PDE3A: variants seen among roughly 807,000 people sequenced by gnomAD.
PDE3A encodes the protein cGMP-inhibited 3',5'-cyclic phosphodiesterase 3A.
Under a neutral mutation model 98.3 loss-of-function variants are expected in PDE3A, and 43 were observed. The observed-to-expected ratio is 0.44, with a 90% CI of 0.34 to 0.56. PDE3A has a LOEUF of 0.56. PDE3A is among the 20% of genes least tolerant of loss of function. The pLI is 0.01. For synonymous variants in PDE3A, 663 were observed against 567.9 expected, an observed-to-expected ratio of 1.17 and a Z score of -2.38; for missense variants, 1,427 against 1,440.7, an observed-to-expected ratio of 0.99 and a Z score of 0.15.
At chr12:20,653,915 G>C (rs775544170) in intron 14 of PDE3A, 32 bp from the exon 15 acceptor site, 18 of 1,603,642 alleles carry the variant, frequency 1.1e-5, no homozygotes, top group Non-Finnish European at 1.5e-5. Flanking sequence ...GATGCCAGGT[G>C]AATGTTGACT....
chr12:20,671,979 G>A lies in PDE3A; in HGVS notation c.3185-8051G>A, dbSNP rs1245035420. On this transcript the variant is annotated intron_variant, in intron 15 of 15. Coordinates refer to ENST00000359062, the MANE Select transcript of PDE3A (RefSeq NM_000921.5). ...TTGTCTCAGCCCAAAATCTCCTTAA[G>A]CTGATAAGCAACTTCAGCAAAGTCT... Among the ~76,000 whole-genome samples, 9 of 148,536 alleles carry A rather than the reference G, an allele frequency of 6.1e-5. No homozygotes were observed. The East Asian group carries it at 1.4e-3, about 23-fold the overall frequency.
chr12:20,483,780 G>C lies in PDE3A; in HGVS notation c.961-72880G>C, dbSNP rs564804347. On this transcript the variant is annotated intron_variant, in intron 1 of 15. Transcript: ENST00000359062. ...GAGGGAAAGATAAATATTAATGATG[G>C]ATTATCTAATATTTGTTCCAATCTC... 9.2e-5 allele frequency among the ~76,000 whole-genome samples: 14 copies of C among 152,106 alleles called. 1 individual carries two copies. The highest frequency in any genetic ancestry group is 3.4e-4 in the African/African-American group (14 of 41,502).
rs115378196 is a variant in PDE3A at position 20,593,082 on chromosome 12, A to G, written c.1012-20361A>G. On this transcript the variant is annotated intron_variant, in intron 2 of 15. Transcript: ENST00000359062. ...CATAATAGATGTTGAACAAAGTACT[A>G]TGGAGACTTCGAGGCTGAAGTGATT... Among the ~76,000 whole-genome samples the G allele has an allele frequency of 9.9e-3, 1,512 of 152,310 alleles. 34 individuals carry two copies. Among genetic ancestry groups the G allele is most frequent in the African/African-American group, 0.034 (1,433 of 41,556 alleles).
chr12:20,553,687 A>T (rs1054319142), intron 1 of PDE3A, among the ~76,000 whole-genome samples: 1 of 152,202 alleles, frequency 6.6e-6, no homozygotes, highest in Admixed American at 6.5e-5. Flanking sequence ...AAATGGCCTC[A>T]AGGGGACTCC....
intron 2 of PDE3A, among the ~76,000 whole-genome samples, chr12:20,578,100 G>A (rs1942976742): frequency 6.6e-6 from 1 of 152,120 alleles, no homozygotes; most frequent in African/African-American, 2.4e-5. Context: ...TATGCATTAG[G>A]TTTCACTTTG....
intron 1 of PDE3A, among the ~76,000 whole-genome samples, chr12:20,497,804 T>C (rs1945947088): frequency 6.6e-6 from 1 of 152,142 alleles, no homozygotes; most frequent in Admixed American, 6.6e-5. Context: ...AGAAGAATAC[T>C]GTGCAGGTAA....
intron 1 of PDE3A, among the ~76,000 whole-genome samples, chr12:20,476,178 A>G (rs11045273): frequency 0.8 from 121,330 of 152,072 alleles, 48,606 homozygotes; most frequent in East Asian, 0.98. Flanking sequence ...TGAGGATTGT[A>G]GCAACATGTA....
intron 1 of PDE3A, among the ~76,000 whole-genome samples, chr12:20,517,088 G>A (rs961082483): frequency 6.6e-6 from 1 of 152,198 alleles, no homozygotes; most frequent in Non-Finnish European, 1.5e-5. Context: ...TGACTCTGTC[G>A]ACAGCAGAAA....
chr12:20,394,955 A>ATATC (rs1172234603), intron 1 of PDE3A, among the ~76,000 whole-genome samples: 1 of 152,104 alleles, frequency 6.6e-6, no homozygotes, highest in Non-Finnish European at 1.5e-5. Context: ...AGGTTGAGAT[A>ATATC]TATCTTAGAT....
rs192137924 is a variant in PDE3A at position 20,408,151 on chromosome 12, C to A, written c.960+37907C>A. Reference sequence around the variant, plus strand: ...GGTCAGGCTGGTCTCGAACTCCTGACCTTGTGATCCACCCGCTTCAGCCCC... The same window carrying A: ...GGTCAGGCTGGTCTCGAACTCCTGAACTTGTGATCCACCCGCTTCAGCCCC... On this transcript the variant is annotated intron_variant, in intron 1 of 15. Transcript: ENST00000359062. 1.2e-4 allele frequency among the ~76,000 whole-genome samples: 18 copies of A among 152,236 alleles called. No homozygotes were observed. In the East Asian group the frequency reaches 2.9e-3, roughly 24 times the overall value.
chr12:20,618,268 G>A (rs1010004173), intron 4 of PDE3A, among the ~76,000 whole-genome samples: 5 of 152,096 alleles, frequency 3.3e-5, no homozygotes, highest in Non-Finnish European at 7.4e-5. Flanking sequence ...ACTAAATACA[G>A]CTAGTTTTGG....
chr12:20,665,674 T>G (rs1945289865), intron 15 of PDE3A, among the ~76,000 whole-genome samples: 1 of 152,160 alleles, frequency 6.6e-6, no homozygotes, highest in Non-Finnish European at 1.5e-5. Context: ...AAAATGTACA[T>G]TCCTATAAGC....
chr12:20,673,952 A>G (rs1199107913), intron 15 of PDE3A, among the ~76,000 whole-genome samples: 4 of 152,178 alleles, frequency 2.6e-5, no homozygotes, highest in Admixed American at 6.5e-5. Flanking sequence ...CTTCAGATCC[A>G]TGATCATGGG....
intron 1 of PDE3A, among the ~76,000 whole-genome samples, chr12:20,488,554 T>C (rs992579936): frequency 5.9e-5 from 9 of 152,040 alleles, no homozygotes; most frequent in Non-Finnish European, 1.3e-4. Flanking sequence ...TCGCAGCTGG[T>C]GCAATGGCTT....
intron 8 of PDE3A, 45 bp downstream of exon 8, chr12:20,635,101 C>T (rs765829614): frequency 6.6e-7 from 1 of 1,525,560 alleles, no homozygotes; most frequent in African/African-American, 1.4e-5. Flanking sequence ...GAGAGATGAG[C>T]TTCTGTTACA....
chr12:20,444,747 G>C (rs140582083), intron 1 of PDE3A, among the ~76,000 whole-genome samples: 3,155 of 152,294 alleles, frequency 0.021, 52 homozygotes, highest in Middle Eastern at 0.071. Flanking sequence ...TGAAATACCA[G>C]TGCATGCCTG....
At chr12:20,671,197 G>A (rs1345624829) in intron 15 of PDE3A, among the ~76,000 whole-genome samples, 2 of 147,798 alleles carry the variant, frequency 1.4e-5, no homozygotes, top group African/African-American at 5.3e-5. Flanking sequence ...TGAAATTGTG[G>A]CAATAATCAA....
chr12:20,615,360 T>G (rs1943978120), intron 3 of PDE3A, among the ~76,000 whole-genome samples: 1 of 152,186 alleles, frequency 6.6e-6, no homozygotes, highest in African/African-American at 2.4e-5. Flanking sequence ...CAGCAGCGTC[T>G]CCTATTAAGA....
intron 1 of PDE3A, among the ~76,000 whole-genome samples, chr12:20,433,043 T>C (rs897071673): frequency 6.6e-6 from 1 of 152,186 alleles, no homozygotes; most frequent in Admixed American, 6.5e-5. Context: ...AACAATGTAA[T>C]TGAAGCACTT....
Sources: allele counts gnomAD v4.1 joint callset (sites outside exome capture counted in the v4.1 genomes callset), GRCh38; gene constraint gnomAD v4.1.1; transcripts MANE v1.5; gene names NCBI Gene and HGNC (gene_info 2026-07-23, HGNC 2026-07-21).